SDK2: variants seen among roughly 807,000 people sequenced by gnomAD.
SDK2 encodes the protein sidekick cell adhesion molecule 2.
A neutral mutation model predicts 253.9 loss-of-function variants in SDK2; 105 were observed. That is an observed-to-expected ratio of 0.41 (90% confidence interval 0.35 to 0.49). The LOEUF (loss-of-function observed/expected upper bound fraction) is 0.49. Ranked by LOEUF, SDK2 falls within the 20% of genes least tolerant of loss-of-function variation. SDK2 has a pLI of 0.06. For synonymous variants in SDK2, 1,249 were observed against 1,234.9 expected (o/e 1.01, Z -0.24); for missense variants, 2,608 against 3,003.0 (o/e 0.87, Z 3.07).
At chr17:73,526,369 C>T (rs4432299) in intron 1 of SDK2, among the ~76,000 whole-genome samples, 49,595 of 151,958 alleles carry the variant, frequency 0.33, 8,562 homozygotes, top group East Asian at 0.6. Context: ...CCTGCATGAC[C>T]TTGGGCCAGT....
At chr17:73,434,051 C>T (rs996372931) in intron 9 of SDK2, among the ~76,000 whole-genome samples, 1 of 152,190 alleles carries the variant, frequency 6.6e-6, no homozygotes, top group Non-Finnish European at 1.5e-5. Flanking sequence ...GAGGACTCCC[C>T]TATGCCACCT....
chr17:73,385,319 T>C lies in SDK2; in HGVS notation c.4569+528A>G, dbSNP rs77470631. 9.1e-3 allele frequency among the ~76,000 whole-genome samples: 1,393 copies of C among 152,244 alleles called. 37 individuals carry two copies. Among genetic ancestry groups the C allele is most frequent in the East Asian group, 0.087 (450 of 5,164 alleles). On this transcript the variant is annotated intron_variant, in intron 32 of 44. Transcript: ENST00000392650. The stretch of plus-strand genomic sequence containing the variant: ...CCATGGCAGAGCAGGCAGTGCCCAC[T>C]GAAGAGTGGGCATCTGGAAGGGGTA...
intron 1 of SDK2, among the ~76,000 whole-genome samples, chr17:73,595,831 G>A (rs1001014905): frequency 6.6e-6 from 1 of 152,220 alleles, no homozygotes; most frequent in African/African-American, 2.4e-5. Context: ...CAGCCAGGGG[G>A]GCTGAGAGGG....
chr17:73,386,580 G>A (rs1319972722), intron 30 of SDK2, 32 bp from the exon 31 acceptor site: 1 of 1,472,568 alleles, frequency 6.8e-7, no homozygotes, highest in Admixed American at 2.0e-5. Flanking sequence ...AATGAGCCAA[G>A]GTGCTCCTTA....
At chr17:73,349,767 C>T (rs532049630) in intron 43 of SDK2, among the ~76,000 whole-genome samples, 3 of 152,272 alleles carry the variant, frequency 2.0e-5, no homozygotes, top group Non-Finnish European at 4.4e-5. Flanking sequence ...GGGAGGAAGA[C>T]AGGAGGGCAT....
rs902356875 is a variant in SDK2 at position 73,575,946 on chromosome 17, C to T, written c.64+68079G>A. 2.6e-5 allele frequency among the ~76,000 whole-genome samples: 4 copies of T among 152,272 alleles called. No homozygotes were observed. In the South Asian group the frequency reaches 6.2e-4, roughly 24 times the overall value. Reference sequence around the variant, plus strand: ...AGCAAAGTCAACCAAAATTCCACACCGTCTGCAGCCCAATACATGCAGCAC... The same window carrying T: ...AGCAAAGTCAACCAAAATTCCACACTGTCTGCAGCCCAATACATGCAGCAC... On this transcript the variant is annotated intron_variant, in intron 1 of 44. Coordinates refer to ENST00000392650, the MANE Select transcript of SDK2 (RefSeq NM_001144952.2).
At chr17:73,409,466 T>A (rs1330529035) in intron 18 of SDK2, among the ~76,000 whole-genome samples, 1 of 148,320 alleles carries the variant, frequency 6.7e-6, no homozygotes, top group Non-Finnish European at 1.5e-5. Context: ...GACTCTGTCT[T>A]AAAAAAAAAA....
At chr17:73,539,442 G>A (rs1380087523) in intron 1 of SDK2, among the ~76,000 whole-genome samples, 1 of 151,370 alleles carries the variant, frequency 6.6e-6, no homozygotes, top group Non-Finnish European at 1.5e-5. Context: ...CCAGGAGTGG[G>A]CAGAGGCCAG....
chr17:73,442,816 T>C (rs367650015), intron 5 of SDK2, among the ~76,000 whole-genome samples: 3 of 150,196 alleles, frequency 2.0e-5, no homozygotes, highest in Non-Finnish European at 3.0e-5. Flanking sequence ...GTGGGTTTTA[T>C]TGGAAAAAAA....
intron 38 of SDK2, 72 bp downstream of exon 38, chr17:73,365,186 G>A (rs1393615935): frequency 4.2e-6 from 5 of 1,198,096 alleles, no homozygotes; most frequent in Non-Finnish European, 5.7e-6. Flanking sequence ...TAGTGGCTGT[G>A]ATGGGCGCTG....
rs2063385576 is a variant in SDK2, at chr17:73,438,152, G to A, written c.728C>T (p.Pro243Leu). Residue 243 changes from proline (P) to leucine (L), a missense_variant and splice_region_variant, in exon 7 of 45, where the codon CCC becomes CTC. Coordinates refer to ENST00000392650, the MANE Select transcript of SDK2 (RefSeq NM_001144952.2). Reference sequence around the variant, plus strand: ...CCAAATGATATGTAGCTTGATCAGGGGCCTGCAGAGGGCAAGGGAAGGCCA... The same window carrying A: ...CCAAATGATATGTAGCTTGATCAGGAGCCTGCAGAGGGCAAGGGAAGGCCA... ...VTLECVANAR[P>L]LIKLHIIWKK... is the part of the protein sequence containing the mutation. 1.3e-6 allele frequency: 2 copies of A among 1,550,156 alleles called. No homozygotes were observed. Among genetic ancestry groups the A allele is most frequent in the Non-Finnish European group, 1.7e-6 (2 of 1,146,072 alleles).
intron 1 of SDK2, among the ~76,000 whole-genome samples, chr17:73,599,349 T>C (rs551337675): frequency 6.6e-6 from 1 of 152,190 alleles, no homozygotes. Flanking sequence ...CTGGCCAACA[T>C]GGCGAAACCC....
rs1324516758 is a variant in SDK2, at chr17:73,435,461, A to G, written c.1184T>C (p.Leu395Pro). 6.3e-7 allele frequency: 1 copy of G among 1,593,146 alleles called. No individual in the cohort carries two copies. Among genetic ancestry groups the G allele is most frequent in the Non-Finnish European group, 8.6e-7 (1 of 1,169,404 alleles). ...AAGEVQTSTY[L>P]AVTSIAPNIT... is the part of the protein sequence containing the mutation. ...AAGGCCCAACTTACTGGTGACAGCCAGGTAGGTGGAAGTTTGCACCTCGCC... is the reference window on the plus strand; with the variant it reads ...AAGGCCCAACTTACTGGTGACAGCCGGGTAGGTGGAAGTTTGCACCTCGCC... Residue 395 changes from leucine to proline, a missense_variant, in exon 9 of 45, where the codon CTG becomes CCG. Around this residue, in one of 2 missense-constraint regions of SDK2, gnomAD observed 1,505 missense variants for 1,859.1 expected, o/e 0.81. Transcript: ENST00000392650. This position sits in a 1 kb window ranked among gnomAD's most constrained non-coding sequence, Gnocchi z 5.7.
chr17:73,498,319 C>T (rs2063859860), intron 2 of SDK2, among the ~76,000 whole-genome samples: 1 of 152,224 alleles, frequency 6.6e-6, no homozygotes, highest in African/African-American at 2.4e-5. Flanking sequence ...CTTTCTGCCT[C>T]TTCCTGAAAC....
At chr17:73,617,302 AGAGGGGAGGGGAGAGGCCTCCTGCG>A (rs1567876007) in intron 1 of SDK2, among the ~76,000 whole-genome samples, 7 of 137,396 alleles carry the variant, frequency 5.1e-5, no homozygotes, top group Admixed American at 1.4e-4. Flanking sequence ...GGCCTCCTGC[AGAGGGGAGGGGAGAGGCCTCCTGCG>A]GAGGGGAGGG....
chr17:73,352,202 T>C lies in SDK2; in HGVS notation c.5758+271A>G, dbSNP rs2062544714. Reference sequence around the variant, plus strand: ...GATGAGTGCATGGAAGTTTGCATCTTGGGCCCTCTGCTCTGCCCCTACCCA... The same window carrying C: ...GATGAGTGCATGGAAGTTTGCATCTCGGGCCCTCTGCTCTGCCCCTACCCA... On this transcript the variant is annotated intron_variant, in intron 41 of 44. Coordinates refer to ENST00000392650, the MANE Select transcript of SDK2 (RefSeq NM_001144952.2). This position sits in a 1 kb window ranked among gnomAD's most constrained non-coding sequence, Gnocchi z 4.1. 6.6e-6 allele frequency among the ~76,000 whole-genome samples: 1 copy of C among 152,140 alleles called. No individual in the cohort carries two copies. Among genetic ancestry groups the C allele is most frequent in the Non-Finnish European group, 1.5e-5 (1 of 67,998 alleles).
At chr17:73,424,916 C>A (rs1202946706) in intron 12 of SDK2, among the ~76,000 whole-genome samples, 2 of 152,166 alleles carry the variant, frequency 1.3e-5, no homozygotes, top group South Asian at 4.1e-4. Context: ...ATATTTTTAA[C>A]CTAAGTTTCA....
intron 18 of SDK2, among the ~76,000 whole-genome samples, chr17:73,413,602 A>AAATC: frequency 6.6e-6 from 1 of 152,298 alleles, no homozygotes; most frequent in East Asian, 1.9e-4. Flanking sequence ...ACGACCACTA[A>AAATC]AATCACTTTC....
intron 36 of SDK2, among the ~76,000 whole-genome samples, chr17:73,370,600 G>A (rs1419509800): frequency 2.0e-5 from 3 of 151,472 alleles, no homozygotes; most frequent in African/African-American, 2.4e-5. Flanking sequence ...ATTTTGTCAC[G>A]CAGACTGGGG....
Sources: gnomAD v4.1 joint callset for allele counts (sites outside exome capture counted in the v4.1 genomes callset) on GRCh38, gnomAD v4.1.1 for gene constraint, gnomAD v4.1.1 regional missense constraint, Gnocchi (gnomAD v3.1) non-coding constraint, MANE v1.5 for transcripts, NCBI Gene and HGNC (gene_info 2026-07-23, HGNC 2026-07-21) for gene names.